PLA2G12B: variants seen among roughly 807,000 people sequenced by gnomAD.
PLA2G12B encodes the protein phospholipase A2 group XIIB.
A neutral mutation model predicts 22.3 loss-of-function variants in PLA2G12B; 19 were observed. That is an observed-to-expected ratio of 0.85 (90% CI 0.60 to 1.25). The LOEUF (loss-of-function observed/expected upper bound fraction) is 1.25, where lower values mean the gene tolerates loss of function less well. PLA2G12B is among the 50% of genes most tolerant of loss of function. PLA2G12B has a pLI of 0.00. For synonymous variants in PLA2G12B, 81 were observed against 94.9 expected (o/e 0.85, Z 0.85); for missense variants, 191 against 246.6 (o/e 0.77, Z 1.51).
At chr10:72,944,597 G>A (rs1846412439) in intron 1 of PLA2G12B, among the ~76,000 whole-genome samples, 1 of 152,060 alleles carries the variant, frequency 6.6e-6, no homozygotes, top group Non-Finnish European at 1.5e-5. Context: ...ATTTACTTAG[G>A]TCTTTCTGTA....
chr10:72,947,449 A>G (rs1278195943), intron 1 of PLA2G12B, among the ~76,000 whole-genome samples: 2 of 152,050 alleles, frequency 1.3e-5, no homozygotes, highest in African/African-American at 2.4e-5. Flanking sequence ...TATGTTGCCC[A>G]AGCTAGTCTT....
At chr10:72,942,148 G>A (rs1400973090) in intron 2 of PLA2G12B, among the ~76,000 whole-genome samples, 3 of 130,164 alleles carry the variant, frequency 2.3e-5, no homozygotes, top group African/African-American at 3.4e-5. Context: ...GCAGGGCGTC[G>A]GGTGTGTGTG....
chr10:72,951,807 G>T (rs956135329), intron 1 of PLA2G12B, among the ~76,000 whole-genome samples: 1 of 152,116 alleles, frequency 6.6e-6, no homozygotes, highest in Non-Finnish European at 1.5e-5. Flanking sequence ...ATTGACACAC[G>T]CTGGATCTTG....
chr10:72,940,025 G>T (rs1454564394), intron 3 of PLA2G12B, among the ~76,000 whole-genome samples: 1 of 152,216 alleles, frequency 6.6e-6, no homozygotes, highest in Non-Finnish European at 1.5e-5. Flanking sequence ...GACATTGCTT[G>T]CAGGAAGTAA....
rs1440128792 is a variant in PLA2G12B, at chr10:72,954,455, AAG to A, written c.211+18_211+19del. 1.9e-6 allele frequency: 3 copies of A among 1,614,020 alleles called. No individual in the cohort carries two copies. In the East Asian group the frequency reaches 6.7e-5, roughly 36 times the overall value. On this transcript the variant is annotated intron_variant, in intron 1 of 3. Coordinates refer to ENST00000373032, the MANE Select transcript of PLA2G12B (RefSeq NM_032562.5). Reference sequence around the variant, plus strand: ...GTCCACCAGCAACAGTTTTTACAGAAAGAGAAACCGCACACTCACCATATCGG... The same window carrying A: ...GTCCACCAGCAACAGTTTTTACAGAAAGAAACCGCACACTCACCATATCGG...
chr10:72,938,955 T>G (rs191647056), intron 3 of PLA2G12B, among the ~76,000 whole-genome samples: 1 of 152,242 alleles, frequency 6.6e-6, no homozygotes, highest in African/African-American at 2.4e-5. Context: ...GGTCCTGACA[T>G]AGATCAGTGG....
chr10:72,937,935 G>A (rs930700488), intron 3 of PLA2G12B, among the ~76,000 whole-genome samples: 3 of 152,006 alleles, frequency 2.0e-5, no homozygotes, highest in South Asian at 2.1e-4. Flanking sequence ...ACAACATGGC[G>A]AAACCCCGTC....
chr10:72,953,824 T>C (rs1846571456), intron 1 of PLA2G12B, among the ~76,000 whole-genome samples: 1 of 152,128 alleles, frequency 6.6e-6, no homozygotes, highest in Non-Finnish European at 1.5e-5. Flanking sequence ...AGCCCCGGGA[T>C]CCCTGGTGAG....
In PLA2G12B at chr10:72,941,182, G is replaced by A. The variant is rs958003862; in HGVS notation, c.453C>T (p.Val151=). 15 of 1,613,926 alleles carry A rather than the reference G, an allele frequency of 9.3e-6. No individual in the cohort carries two copies. The highest frequency in any genetic ancestry group is 5.0e-5 in the Admixed American group (3 of 59,988). Residue 151 remains valine, a synonymous_variant, in exon 3 of 4, where the codon GTC becomes GTT. Transcript: ENST00000373032. ...TGAGACACCTACCTTCCACTTTGGA[G>A]ACAAAGCCCAGACTCCGCTTAAGGT... ...CSDLKRSLGF[V]SKVEAACDSL... is the part of the protein sequence containing the mutation.
At chr10:72,939,845 G>A (rs1055561573) in intron 3 of PLA2G12B, among the ~76,000 whole-genome samples, 4 of 152,218 alleles carry the variant, frequency 2.6e-5, no homozygotes, top group Non-Finnish European at 2.9e-5. Context: ...CATCCGTAAG[G>A]AGGAGGAATC....
At chr10:72,947,675 A>C (rs1846464730) in intron 1 of PLA2G12B, among the ~76,000 whole-genome samples, 1 of 152,164 alleles carries the variant, frequency 6.6e-6, no homozygotes, top group Non-Finnish European at 1.5e-5. Flanking sequence ...CCCAAGGTAG[A>C]CCTTGTGCCC....
chr10:72,952,037 TG>T (rs1400527415), intron 1 of PLA2G12B, among the ~76,000 whole-genome samples: 2 of 152,332 alleles, frequency 1.3e-5, no homozygotes, highest in Non-Finnish European at 2.9e-5. Context: ...GGCTGTGCTT[TG>T]CAATCACCTG....
intron 2 of PLA2G12B, among the ~76,000 whole-genome samples, chr10:72,942,149 G>GGT (rs34740594): frequency 0.084 from 11,442 of 135,866 alleles, 496 homozygotes; most frequent in Middle Eastern, 0.12. Flanking sequence ...CAGGGCGTCG[G>GGT]GTGTGTGTGT....
intron 1 of PLA2G12B, among the ~76,000 whole-genome samples, chr10:72,953,337 G>A (rs1055925175): frequency 3.9e-5 from 6 of 152,176 alleles, no homozygotes; most frequent in South Asian, 4.1e-4. Flanking sequence ...ATAAGGAAGC[G>A]ATTTTCCCCA....
chr10:72,943,988 TC>T (rs1445405508), intron 1 of PLA2G12B, among the ~76,000 whole-genome samples: 4 of 152,126 alleles, frequency 2.6e-5, no homozygotes, highest in African/African-American at 9.6e-5. Context: ...TTTTCTTTCT[TC>T]CTTTCTTTCT....
At chr10:72,947,885 T>C (rs1015690763) in intron 1 of PLA2G12B, among the ~76,000 whole-genome samples, 2 of 152,134 alleles carry the variant, frequency 1.3e-5, no homozygotes, top group African/African-American at 2.4e-5. Context: ...TCTTTCTCTT[T>C]CTCTTCTTAC....
intron 3 of PLA2G12B, among the ~76,000 whole-genome samples, chr10:72,937,640 A>C (rs917265915): frequency 2.0e-5 from 3 of 152,224 alleles, no homozygotes; most frequent in Non-Finnish European, 4.4e-5. Context: ...CAAAATCCTC[A>C]ACAAAATAGT....
chr10:72,938,776 T>G (rs1846316333), intron 3 of PLA2G12B, among the ~76,000 whole-genome samples: 1 of 152,184 alleles, frequency 6.6e-6, no homozygotes, highest in Admixed American at 6.5e-5. Context: ...CATAACCCTC[T>G]CAAAATTCTA....
At chr10:72,941,369 A>G in intron 2 of PLA2G12B, 35 bp from the exon 3 acceptor site, 1 of 1,596,092 alleles carries the variant, frequency 6.3e-7, no homozygotes, top group Non-Finnish European at 8.6e-7. Flanking sequence ...AAGAAGGGGA[A>G]GAAATGCCAC....
Sources: gnomAD v4.1 joint callset for allele counts (sites outside exome capture counted in the v4.1 genomes callset) on GRCh38, gnomAD v4.1.1 for gene constraint, MANE v1.5 for transcripts, NCBI Gene and HGNC (gene_info 2026-07-23, HGNC 2026-07-21) for gene names.